Variants in TESPA1 observed in about 807,000 individuals in gnomAD.
TESPA1 encodes thymocyte expressed, positive selection associated 1, also known as protein TESPA1.
TESPA1 carries 33 observed loss-of-function variants against 57.9 expected under a neutral mutation model. The ratio of observed to expected loss-of-function variants is 0.57; its 90% CI spans 0.43 to 0.76. The LOEUF (loss-of-function observed/expected upper bound fraction) is 0.76. Among genes scored for constraint, TESPA1 ranks in the 30% least tolerant of loss-of-function variants. The pLI is 0.00. For missense variants in TESPA1, 618 were observed against 632.9 expected (o/e 0.98, Z 0.25); for synonymous variants, 227 against 228.9 (o/e 0.99, Z 0.07).
chr12:54,973,595 A>G, intron 2 of TESPA1, 76 bp from the exon 3 acceptor site: 1 of 1,611,196 alleles, frequency 6.2e-7, no homozygotes, highest in South Asian at 1.1e-5. Context: ...ATTCCATTCC[A>G]CAAGTTTATT....
chr12:54,981,551 C>T (rs575306572), intron 1 of TESPA1, among the ~76,000 whole-genome samples: 116 of 151,204 alleles, frequency 7.7e-4, no homozygotes, highest in African/African-American at 2.4e-3. Flanking sequence ...GCACGTGTAC[C>T]CTAGAACTTA....
chr12:54,982,937 A>C (rs1442624720), intron 1 of TESPA1, among the ~76,000 whole-genome samples: 1 of 152,142 alleles, frequency 6.6e-6, no homozygotes. Flanking sequence ...GCCATTCTGC[A>C]TCAGGCCTGG....
At chr12:54,967,664 C>G (rs1951534125) in intron 4 of TESPA1, among the ~76,000 whole-genome samples, 179 bp downstream of exon 4, 1 of 152,168 alleles carries the variant, frequency 6.6e-6, no homozygotes, top group South Asian at 2.1e-4. Context: ...CCAGCACTTT[C>G]TTCTGGATTT....
At chr12:54,964,492 G>A (rs377667720) in intron 7 of TESPA1, among the ~76,000 whole-genome samples, 1 of 152,216 alleles carries the variant, frequency 6.6e-6, no homozygotes, top group Non-Finnish European at 1.5e-5. Flanking sequence ...TTTCAGTACA[G>A]AAGTCCTGTG....
rs184751131 is a variant in TESPA1, at chr12:54,954,673, G to C, written c.*2-4283C>G. Among the ~76,000 whole-genome samples, 205 of 152,326 alleles carry C rather than the reference G, an allele frequency of 1.3e-3. 2 individuals are homozygous for C. Among genetic ancestry groups the C allele is most frequent in the Middle Eastern group, 3.4e-3 (1 of 294 alleles). ...AGAAAGAGCCTCTAGTAATTATACT[G>C]TATAGCATTTTCAGAAATATTGTCT... On this transcript the variant is annotated intron_variant, in intron 10 of 10. Transcript: ENST00000449076.
chr12:54,967,134 A>G (rs766648215), intron 5 of TESPA1, 49 bp downstream of exon 5: 3 of 1,602,828 alleles, frequency 1.9e-6, no homozygotes, highest in Non-Finnish European at 1.7e-6. Flanking sequence ...AATTCATACA[A>G]TGTATATCCT....
Position 54,949,462 on chromosome 12 carries a change from C to T in TESPA1, c.*930G>A, listed in dbSNP as rs1461980931. On this transcript the variant is annotated 3_prime_UTR_variant, in exon 11 of 11. Coordinates refer to ENST00000449076, the MANE Select transcript of TESPA1 (RefSeq NM_001136030.3). ...CTGGAAATGCGTGCATCTTACTTCT[C>T]CCATTCTATTAATATTAATATTTTC... is the stretch of plus-strand genomic sequence containing the variant. The T allele has an allele frequency of 2.6e-5, 4 of 151,006 alleles. No homozygotes were observed. The highest frequency in any genetic ancestry group is 9.7e-5 in the African/African-American group (4 of 41,050). 9.4% of individuals were successfully genotyped at this position (151,006 alleles called of 1,614,324 possible). A position where few individuals can be genotyped will look rare whatever the true frequency, so the allele number is the denominator to read the frequency against.
At chr12:54,968,525 A>C (rs1382832160) in intron 3 of TESPA1, among the ~76,000 whole-genome samples, 1 of 152,202 alleles carries the variant, frequency 6.6e-6, no homozygotes, top group Non-Finnish European at 1.5e-5. Context: ...CAAGGAAGAA[A>C]TTCTCTCTGT....
At chr12:54,956,445 T>C (rs537744262) in intron 10 of TESPA1, among the ~76,000 whole-genome samples, 1 of 152,078 alleles carries the variant, frequency 6.6e-6, no homozygotes, top group Non-Finnish European at 1.5e-5. Context: ...CGCTTATAAG[T>C]GTGATAAAGG....
intron 10 of TESPA1, 97 bp downstream of exon 10, chr12:54,961,071 T>C: frequency 7.5e-7 from 1 of 1,341,306 alleles, no homozygotes; most frequent in Non-Finnish European, 1.1e-6. Context: ...TTACAGAATG[T>C]GGGACCCTTT....
chr12:54,967,792 T>C lies in TESPA1; in HGVS notation c.256+51A>G. On this transcript the variant is annotated intron_variant, in intron 4 of 10. Coordinates refer to ENST00000449076, the MANE Select transcript of TESPA1 (RefSeq NM_001136030.3). Reference sequence around the variant, plus strand: ...ACACTCACATACACACACGCACAGGTATATCACTCTCCAGGTAGAAGAAAA... The same window carrying C: ...ACACTCACATACACACACGCACAGGCATATCACTCTCCAGGTAGAAGAAAA... The C allele has an allele frequency of 3.1e-6, 5 of 1,603,130 alleles. No individual in the cohort carries two copies. The South Asian group carries it at 5.5e-5, about 18-fold the overall frequency.
chr12:54,959,637 G>A (rs1407677363), intron 10 of TESPA1, among the ~76,000 whole-genome samples: 2 of 152,154 alleles, frequency 1.3e-5, no homozygotes, highest in Non-Finnish European at 2.9e-5. Flanking sequence ...ATGCTTTGGG[G>A]TTTTTGCTCT....
intron 3 of TESPA1, among the ~76,000 whole-genome samples, chr12:54,969,021 G>GTATATATATA (rs56901356): frequency 2.4e-5 from 2 of 83,676 alleles, no homozygotes; most frequent in Admixed American, 1.5e-4. Flanking sequence ...ATTTATATAT[G>GTATATATATA]TATATATATA....
At position 54,949,430 on chromosome 12, in the gene TESPA1, T is replaced by C. The variant is rs1456154905; in HGVS notation, c.*962A>G. On this transcript the variant is annotated 3_prime_UTR_variant, in exon 11 of 11. Transcript: ENST00000449076. ...CACAATTTATTAGGCAGCCAAATAA[T>C]ATACTTCTGGAAATGCGTGCATCTT... The C allele has an allele frequency of 1.3e-5, 2 of 151,052 alleles. No individual in the cohort carries two copies. Among genetic ancestry groups the C allele is most frequent in the Non-Finnish European group, 2.9e-5 (2 of 67,800 alleles). The allele number at this position is 151,052 out of a possible 1,614,324, so 9.4% of individuals were successfully genotyped here. A position where few individuals can be genotyped will look rare whatever the true frequency, so the allele number is the denominator to read the frequency against.
chr12:54,967,855 A>C lies in TESPA1; in HGVS notation c.244T>G (p.Phe82Val). ...EEGFSEEAGQ[F>V]IYNGFCSHGT... ...AACCTATACTCACCATTGTAGATAA[A>C]CTGTCCTGCTTCCTCAGAAAATCCT... is the stretch of plus-strand genomic sequence containing the variant. Residue 82 changes from phenylalanine (F) to valine (V), a missense_variant, in exon 4 of 11, where the codon TTT (phenylalanine) becomes GTT (valine). Physicochemically the swap from Phe to Val is conservative, Grantham distance 50. Around this residue, in one of 3 missense-constraint regions of TESPA1, gnomAD observed 199 missense variants for 184.0 expected, o/e 1.08. Transcript: ENST00000449076. 6.2e-7 allele frequency: 1 copy of C among 1,613,742 alleles called. No individual in the cohort carries two copies. Among genetic ancestry groups the C allele is most frequent in the Non-Finnish European group, 8.5e-7 (1 of 1,179,740 alleles).
intron 10 of TESPA1, among the ~76,000 whole-genome samples, chr12:54,957,048 C>T (rs1950778158): frequency 6.6e-6 from 1 of 152,200 alleles, no homozygotes; most frequent in African/African-American, 2.4e-5. Flanking sequence ...CTTTGCGAGA[C>T]TCATTCAAAC....
intron 10 of TESPA1, among the ~76,000 whole-genome samples, chr12:54,958,211 T>G (rs543761544): frequency 6.6e-6 from 1 of 152,346 alleles, no homozygotes; most frequent in East Asian, 1.9e-4. Flanking sequence ...CAGCCTGCTT[T>G]GTGGAACATC....
chr12:54,977,695 C>T (rs1952184039), intron 1 of TESPA1, among the ~76,000 whole-genome samples: 1 of 152,198 alleles, frequency 6.6e-6, no homozygotes, highest in Non-Finnish European at 1.5e-5. Context: ...GAATGACAGA[C>T]ATTTTCCTGG....
Position 54,984,639 on chromosome 12 carries a change from G to A in TESPA1, c.-100C>T, listed in dbSNP as rs11171209. On this transcript the variant is annotated 5_prime_UTR_variant, in exon 1 of 11. Transcript: ENST00000449076. ...GCAAAGCAGTTGTCGAAGCTGGGCCGAGGCCTTCACAGGTGTGGGCACAGA... is the reference window on the plus strand; with the variant it reads ...GCAAAGCAGTTGTCGAAGCTGGGCCAAGGCCTTCACAGGTGTGGGCACAGA... 1.9e-3 allele frequency: 294 copies of A among 152,452 alleles called. 6 individuals carry two copies. The East Asian group carries it at 0.052, about 27-fold the overall frequency. 9.4% of individuals were successfully genotyped at this position (152,452 alleles called of 1,614,324 possible).
Sources: gnomAD v4.1 joint callset for allele counts (sites outside exome capture counted in the v4.1 genomes callset) on GRCh38, gnomAD v4.1.1 for gene constraint, gnomAD v4.1.1 regional missense constraint, MANE v1.5 for transcripts, NCBI Gene and HGNC (gene_info 2026-07-23, HGNC 2026-07-21) for gene names.